The following WIPF3 variants were observed in gnomAD, a reference collection of about 807,000 sequenced individuals.
The protein encoded by WIPF3 is WAS/WASL interacting protein family member 3.
WIPF3 carries 33 observed loss-of-function variants against 38.9 expected under a neutral mutation model. The observed-to-expected ratio is 0.85, with a 90% confidence interval of 0.64 to 1.14. The LOEUF (loss-of-function observed/expected upper bound fraction) is 1.14. Ranked by LOEUF, WIPF3 falls within the 50% of genes most tolerant of loss-of-function variation. WIPF3 has a pLI of 0.00. For missense variants in WIPF3, 711 were observed against 652.5 expected (o/e 1.09, Z -0.98); for synonymous variants, 324 against 269.3 (o/e 1.20, Z -1.99).
intron 1 of WIPF3, among the ~76,000 whole-genome samples, chr7:29,814,081 C>T (rs1244743925): frequency 6.6e-6 from 1 of 152,094 alleles, no homozygotes; most frequent in African/African-American, 2.4e-5. Context: ...CCATGACACC[C>T]AGCTAATTTT....
At chr7:29,896,569 T>C (rs946040943) in intron 7 of WIPF3, among the ~76,000 whole-genome samples, 7 of 152,218 alleles carry the variant, frequency 4.6e-5, no homozygotes, top group African/African-American at 1.7e-4. Context: ...TGAGCCATAA[T>C]GGTGCCACTG....
At chr7:29,810,185 T>A (rs1449791539) in intron 1 of WIPF3, among the ~76,000 whole-genome samples, 1 of 152,232 alleles carries the variant, frequency 6.6e-6, no homozygotes, top group Non-Finnish European at 1.5e-5. Flanking sequence ...GGGAGCTGAT[T>A]CTTCATACTC....
chr7:29,869,620 A>G (rs1331804636), intron 2 of WIPF3, among the ~76,000 whole-genome samples: 2 of 152,132 alleles, frequency 1.3e-5, no homozygotes, highest in South Asian at 2.1e-4. Context: ...TCTGAAATCC[A>G]TCTGTATCTG....
intron 2 of WIPF3, among the ~76,000 whole-genome samples, chr7:29,839,163 A>G (rs946267648): frequency 6.6e-6 from 1 of 152,208 alleles, no homozygotes; most frequent in African/African-American, 2.4e-5. Flanking sequence ...TTCTTGACAC[A>G]GGTGGCGATG....
chr7:29,835,198 AT>A (rs1784781928), intron 2 of WIPF3, among the ~76,000 whole-genome samples: 1 of 152,048 alleles, frequency 6.6e-6, no homozygotes, highest in Non-Finnish European at 1.5e-5. Context: ...TGGAATTTGG[AT>A]GGTGATAATG....
chr7:29,827,609 C>T (rs994112287), intron 1 of WIPF3, among the ~76,000 whole-genome samples: 2 of 151,918 alleles, frequency 1.3e-5, no homozygotes, highest in African/African-American at 2.4e-5. Context: ...ATATATATTG[C>T]GTCATGGGGT....
chr7:29,832,233 A>C (rs1400432518), intron 1 of WIPF3, among the ~76,000 whole-genome samples: 2 of 152,242 alleles, frequency 1.3e-5, no homozygotes, highest in African/African-American at 2.4e-5. Flanking sequence ...CACTGAATAA[A>C]AGATCATAAA....
chr7:29,888,600 G>T (rs1785941165), intron 6 of WIPF3, among the ~76,000 whole-genome samples: 1 of 152,032 alleles, frequency 6.6e-6, no homozygotes, highest in African/African-American at 2.4e-5. Context: ...AAGATACATA[G>T]AAGACTCACC....
intron 2 of WIPF3, among the ~76,000 whole-genome samples, chr7:29,851,849 G>T (rs1276923583): frequency 6.6e-6 from 1 of 152,226 alleles, no homozygotes; most frequent in African/African-American, 2.4e-5. Flanking sequence ...AGTGGGGACA[G>T]TCCTATAGGG....
intron 2 of WIPF3, among the ~76,000 whole-genome samples, chr7:29,872,030 T>C (rs549426278): frequency 1.3e-5 from 2 of 152,352 alleles, no homozygotes; most frequent in Non-Finnish European, 2.9e-5. Flanking sequence ...AAGAGTGAAC[T>C]TGGAAGTAAT....
chr7:29,848,178 C>G (rs181722167), intron 2 of WIPF3, among the ~76,000 whole-genome samples: 1 of 152,140 alleles, frequency 6.6e-6, no homozygotes, highest in Non-Finnish European at 1.5e-5. Flanking sequence ...ACAGATTAGA[C>G]CCACATGGGT....
intron 8 of WIPF3, among the ~76,000 whole-genome samples, chr7:29,910,817 A>G (rs146653547): frequency 1.1e-4 from 16 of 152,288 alleles, no homozygotes; most frequent in African/African-American, 2.9e-4. Flanking sequence ...AACATGCCCA[A>G]TGGTGAAAGA....
At chr7:29,855,217 C>T (rs534065360) in intron 2 of WIPF3, among the ~76,000 whole-genome samples, 1 of 152,322 alleles carries the variant, frequency 6.6e-6, no homozygotes, top group Non-Finnish European at 1.5e-5. Context: ...CTTGTATCTT[C>T]ACCCCGTGCT....
intron 4 of WIPF3, among the ~76,000 whole-genome samples, chr7:29,881,362 G>A (rs961032088): frequency 6.6e-6 from 1 of 152,248 alleles, no homozygotes; most frequent in Non-Finnish European, 1.5e-5. Context: ...CATGGCAGGT[G>A]CTCAGTAAAT....
intron 1 of WIPF3, among the ~76,000 whole-genome samples, chr7:29,828,108 T>C (rs1278700172): frequency 2.6e-5 from 4 of 152,164 alleles, no homozygotes; most frequent in Non-Finnish European, 2.9e-5. Context: ...CCACATGCTT[T>C]TGTCAGATGG....
At chr7:29,877,778 G>T (rs1168201645) in intron 3 of WIPF3, among the ~76,000 whole-genome samples, 3 of 152,114 alleles carry the variant, frequency 2.0e-5, no homozygotes, top group Non-Finnish European at 4.4e-5. Context: ...TGTGTGTAAA[G>T]GTACATATGA....
chr7:29,837,266 G>T (rs1334365779), intron 2 of WIPF3, among the ~76,000 whole-genome samples: 1 of 151,960 alleles, frequency 6.6e-6, no homozygotes, highest in Non-Finnish European at 1.5e-5. Context: ...TGAGGCAGGA[G>T]AATGGTGTGA....
rs750508694 is a variant in WIPF3 at position 29,888,074 on chromosome 7, G to A, written c.1106G>A (p.Gly369Asp). 4 of 1,613,826 alleles carry A rather than the reference G, an allele frequency of 2.5e-6. No individual in the cohort carries two copies. The highest frequency in any genetic ancestry group is 1.3e-5 in the African/African-American group (1 of 74,902). ...CCATCATCTTCTCTGTAAGGGGCCG[G>A]TGGGGGAAAGCTAAATCCACCTCCA... ...QKKRHGRPGA[G>D]GGKLNPPPAP... Residue 369 changes from glycine (G) to aspartate (D), a missense_variant, in exon 6 of 9, where the codon GGT (glycine) becomes GAT (aspartate). By Grantham distance (94) the Gly-to-Asp change is moderately conservative. Coordinates refer to ENST00000242140, the MANE Select transcript of WIPF3 (RefSeq NM_001080529.3).
chr7:29,875,696 T>C (rs1785577296), intron 2 of WIPF3, 134 bp from the exon 3 acceptor site: 2 of 1,190,312 alleles, frequency 1.7e-6, no homozygotes, highest in Non-Finnish European at 2.4e-6. Context: ...GTCTCTCCCA[T>C]AGGTAATCTG....
Sources: gnomAD v4.1 joint callset for allele counts (sites outside exome capture counted in the v4.1 genomes callset) on GRCh38, gnomAD v4.1.1 for gene constraint, MANE v1.5 for transcripts, NCBI Gene and HGNC (gene_info 2026-07-23, HGNC 2026-07-21) for gene names.